The following VSTM2L variants were observed in gnomAD, a reference collection of about 807,000 sequenced individuals.
The protein encoded by VSTM2L is V-set and transmembrane domain-containing protein 2-like protein.
VSTM2L carries 9 observed loss-of-function variants against 19.9 expected under a neutral mutation model. The observed-to-expected ratio is 0.45, with a 90% CI of 0.27 to 0.79. The LOEUF (loss-of-function observed/expected upper bound fraction) is 0.79. Ranked by LOEUF, VSTM2L falls within the 30% of genes least tolerant of loss-of-function variation. VSTM2L has a pLI of 0.15. For missense variants in VSTM2L, 286 were observed against 295.5 expected, an observed-to-expected ratio of 0.97 and a Z score of 0.24; for synonymous variants, 127 against 133.8, an observed-to-expected ratio of 0.95 and a Z score of 0.35.
intron 1 of VSTM2L, among the ~76,000 whole-genome samples, chr20:37,914,257 CTG>C (rs1189595832): frequency 6.8e-6 from 1 of 146,246 alleles, no homozygotes; most frequent in African/African-American, 2.5e-5. Flanking sequence ...GTGTGTATAT[CTG>C]TGTATGTGTG....
At chr20:37,931,951 T>A in intron 2 of VSTM2L, 147 bp downstream of exon 2, 1 of 1,016,358 alleles carries the variant, frequency 9.8e-7, no homozygotes, top group Non-Finnish European at 1.4e-6. Context: ...CCCTTCTTCC[T>A]CCTGGGGTGG....
chr20:37,911,306 G>A (rs907520807), intron 1 of VSTM2L, among the ~76,000 whole-genome samples: 31 of 150,986 alleles, frequency 2.1e-4, no homozygotes, highest in Admixed American at 2.6e-4. Context: ...ACACTCACCT[G>A]TGGGGCAGGG....
intron 3 of VSTM2L, among the ~76,000 whole-genome samples, chr20:37,938,704 C>T (rs879593038): frequency 3.9e-5 from 6 of 152,212 alleles, no homozygotes; most frequent in East Asian, 1.9e-4. Flanking sequence ...TAAGGCCTGT[C>T]GATGCCTGTG....
chr20:37,905,401 G>C (rs1012578761), intron 1 of VSTM2L, among the ~76,000 whole-genome samples: 1 of 152,148 alleles, frequency 6.6e-6, no homozygotes, highest in Non-Finnish European at 1.5e-5. Flanking sequence ...TAGAAAAGCA[G>C]GGTCTGTCTG....
chr20:37,916,520 A>G (rs774246316), intron 1 of VSTM2L, among the ~76,000 whole-genome samples: 10 of 152,216 alleles, frequency 6.6e-5, no homozygotes, highest in Admixed American at 1.3e-4. Flanking sequence ...GTCTACCTCA[A>G]TATGTGCTGG....
intron 3 of VSTM2L, among the ~76,000 whole-genome samples, chr20:37,943,662 G>A (rs1436224341): frequency 6.6e-6 from 1 of 152,076 alleles, no homozygotes; most frequent in Non-Finnish European, 1.5e-5. Context: ...TCCCCTGGGG[G>A]TGGGCAGCAG....
chr20:37,943,161 G>A (rs2122982426), intron 3 of VSTM2L, among the ~76,000 whole-genome samples: 1 of 152,138 alleles, frequency 6.6e-6, no homozygotes, highest in South Asian at 2.1e-4. Context: ...GTAGAGATGG[G>A]GTTTCCCCAT....
At chr20:37,942,197 G>A (rs2072976293) in intron 3 of VSTM2L, among the ~76,000 whole-genome samples, 1 of 152,178 alleles carries the variant, frequency 6.6e-6, no homozygotes, top group Non-Finnish European at 1.5e-5. Flanking sequence ...AGAACAAATG[G>A]ATGGCTGGGC....
At chr20:37,929,822 G>A (rs974921837) in intron 1 of VSTM2L, among the ~76,000 whole-genome samples, 2 of 152,022 alleles carry the variant, frequency 1.3e-5, no homozygotes, top group African/African-American at 2.4e-5. Context: ...AGGGAGCCCA[G>A]GGTGACTAGT....
In VSTM2L at chr20:37,903,287, G is replaced by T; in HGVS notation, c.-64G>T. On this transcript the variant is annotated 5_prime_UTR_variant, in exon 1 of 4. Coordinates refer to ENST00000373461, the MANE Select transcript of VSTM2L (RefSeq NM_080607.3). Reference sequence around the variant, plus strand: ...CCGCTCAGGGCAGGGGACAGCTGGCGCCGGTTCTGCGGTCTCCGGGGCCCA... The same window carrying T: ...CCGCTCAGGGCAGGGGACAGCTGGCTCCGGTTCTGCGGTCTCCGGGGCCCA... 7.5e-7 allele frequency: 1 copy of T among 1,330,474 alleles called. No individual in the cohort carries two copies. The highest frequency in any genetic ancestry group is 9.6e-7 in the Non-Finnish European group (1 of 1,044,722). 82.4% of individuals were successfully genotyped at this position (1,330,474 alleles called of 1,614,324 possible). A position where few individuals can be genotyped will look rare whatever the true frequency, so the allele number is the denominator to read the frequency against.
intron 3 of VSTM2L, 65 bp from the exon 4 acceptor site, chr20:37,943,916 C>G (rs1023576483): frequency 3.5e-6 from 3 of 850,886 alleles, no homozygotes; most frequent in Admixed American, 4.4e-5. Context: ...GGACCCCCCC[C>G]CCCGACTCTT....
intron 3 of VSTM2L, among the ~76,000 whole-genome samples, chr20:37,939,194 C>T (rs1428661932): frequency 2.0e-5 from 3 of 152,036 alleles, no homozygotes; most frequent in Non-Finnish European, 4.4e-5. Flanking sequence ...TGCTTGAGCC[C>T]AGGAGTTCAA....
intron 1 of VSTM2L, among the ~76,000 whole-genome samples, chr20:37,924,554 C>CAAAAAAAAAAAAAAAAAAAA (rs368447073): frequency 1.1e-5 from 1 of 90,104 alleles, no homozygotes; most frequent in Non-Finnish European, 2.3e-5. Flanking sequence ...GACTCTGTCT[C>CAAAAAAAAAAAAAAAAAAAA]AAAAAAAAAA....
intron 3 of VSTM2L, among the ~76,000 whole-genome samples, chr20:37,936,739 C>A: frequency 6.6e-6 from 1 of 152,132 alleles, no homozygotes; most frequent in East Asian, 1.9e-4. Flanking sequence ...GCCACCTCCT[C>A]GACTCTCCCT....
intron 1 of VSTM2L, among the ~76,000 whole-genome samples, chr20:37,910,242 A>T (rs1055655145): frequency 6.6e-6 from 1 of 152,248 alleles, no homozygotes; most frequent in African/African-American, 2.4e-5. Flanking sequence ...TAATGGGGGT[A>T]TTAAAAAATG....
rs565967602 is a variant in VSTM2L, at chr20:37,933,275, C to A, written c.292-264C>A. Among the ~76,000 whole-genome samples the A allele has an allele frequency of 4.6e-5, 7 of 152,342 alleles. No homozygotes were observed. The East Asian group carries it at 1.3e-3, about 29-fold the overall frequency. ...CTCCCTCCAATATATACCAAAGCAC[C>A]CTTGTGTATCTAAATGCACAAATGT... is the stretch of plus-strand genomic sequence containing the variant. On this transcript the variant is annotated intron_variant, in intron 2 of 3. Coordinates refer to ENST00000373461, the MANE Select transcript of VSTM2L (RefSeq NM_080607.3).
Position 37,931,767 on chromosome 20 carries a change from G to A in VSTM2L, c.254G>A (p.Arg85Gln), listed in dbSNP as rs368151151. 8.7e-6 allele frequency: 14 copies of A among 1,613,824 alleles called. No homozygotes were observed. The highest frequency in any genetic ancestry group is 1.6e-4 in the Middle Eastern group (1 of 6,082). Residue 85 changes from arginine to glutamine, a missense_variant, in exon 2 of 4, where the codon CGG becomes CAG. By Grantham distance (43) the Arg-to-Gln change is conservative. Transcript: ENST00000373461. The part of the protein sequence containing the change: ...EIQWWYVRSH[R>Q]DWTDKQAWAS... ...CAGTGGTGGTATGTACGGAGCCACC[G>A]GGACTGGACCGACAAGCAGGCGTGG... is the stretch of plus-strand genomic sequence containing the variant.
intron 2 of VSTM2L, 27 bp from the exon 3 acceptor site, chr20:37,933,512 C>T (rs1353066385): frequency 6.3e-7 from 1 of 1,597,732 alleles, no homozygotes; most frequent in Non-Finnish European, 8.6e-7. Flanking sequence ...TGTCTCTGCT[C>T]TCTCCGCCCC....
rs2072999582 is a variant in VSTM2L, at chr20:37,944,909, T to G, written c.*656T>G. ...GCAGGGGATCCAGGATTCTCTGCCC[T>G]GTCACACGGCGAGTCAGAAGGGAGG... is the stretch of plus-strand genomic sequence containing the variant. On this transcript the variant is annotated 3_prime_UTR_variant, in exon 4 of 4. Coordinates refer to ENST00000373461, the MANE Select transcript of VSTM2L (RefSeq NM_080607.3). 1.0e-6 allele frequency: 1 copy of G among 985,720 alleles called. No homozygotes were observed. The highest frequency in any genetic ancestry group is 1.2e-6 in the Non-Finnish European group (1 of 829,978). 61.1% of individuals were successfully genotyped at this position (985,720 alleles called of 1,614,324 possible). A position where few individuals can be genotyped will look rare whatever the true frequency, so the allele number is the denominator to read the frequency against.
Sources: allele counts gnomAD v4.1 joint callset (sites outside exome capture counted in the v4.1 genomes callset), GRCh38; gene constraint gnomAD v4.1.1; transcripts MANE v1.5; gene names NCBI Gene and HGNC (gene_info 2026-07-23, HGNC 2026-07-21).